HNRNPH3: variants seen among roughly 807,000 people sequenced by gnomAD.
The protein encoded by HNRNPH3 is heterogeneous nuclear ribonucleoprotein 2H9.
A neutral mutation model predicts 47.0 loss-of-function variants in HNRNPH3; 7 were observed. The observed-to-expected ratio is 0.15, with a 90% CI of 0.08 to 0.28. The LOEUF is 0.28. Among genes scored for constraint, HNRNPH3 ranks in the 10% least tolerant of loss-of-function variants. The probability of loss-of-function intolerance (pLI) is 1.00; values close to 1 mark genes in which losing one functional copy is unlikely to be tolerated. For synonymous variants in HNRNPH3, 120 were observed against 143.2 expected (o/e 0.84, Z 1.16); for missense variants, 279 against 449.6 (o/e 0.62, Z 3.43).
chr10:68,339,612 T>G, intron 6 of HNRNPH3, 57 bp downstream of exon 6: 1 of 1,036,004 alleles, frequency 9.7e-7, no homozygotes. Context: ...GTCTAAATCT[T>G]TAAGCATTCT....
intron 1 of HNRNPH3, among the ~76,000 whole-genome samples, chr10:68,336,608 A>T (rs968278061): frequency 1.3e-5 from 2 of 152,066 alleles, no homozygotes; most frequent in Non-Finnish European, 2.9e-5. Flanking sequence ...GCTCTTGGTG[A>T]GTTTAAACTA....
Position 68,338,745 on chromosome 10 carries a change from T to C in HNRNPH3, c.436+58T>C, listed in dbSNP as rs1031625229. 3 of 1,357,472 alleles carry C rather than the reference T, an allele frequency of 2.2e-6. No homozygotes were observed. In the East Asian group the frequency reaches 7.2e-5, roughly 33 times the overall value. 84.1% of individuals were successfully genotyped at this position (1,357,472 alleles called of 1,614,324 possible). ...TCATTTTCTTAATGTTCCTGACACT[T>C]TGTCAAGAAATACAGAAATGGCAGT... On this transcript the variant is annotated intron_variant, in intron 4 of 9. Coordinates refer to ENST00000265866, the MANE Select transcript of HNRNPH3 (RefSeq NM_012207.3).
At chr10:68,339,747 C>T (rs1439835488) in intron 6 of HNRNPH3, among the ~76,000 whole-genome samples, 192 bp downstream of exon 6, 4 of 151,382 alleles carry the variant, frequency 2.6e-5, no homozygotes, top group African/African-American at 9.7e-5. Flanking sequence ...GGTGTGATCT[C>T]GGCTCACTGC....
intron 1 of HNRNPH3, among the ~76,000 whole-genome samples, chr10:68,336,479 T>G (rs1384583939): frequency 1.3e-5 from 2 of 152,226 alleles, no homozygotes; most frequent in African/African-American, 2.4e-5. Context: ...TTGAGTAAAC[T>G]GGTTTCTAAA....
At position 68,341,424 on chromosome 10, in the gene HNRNPH3, C is replaced by T. The variant is rs188157094; in HGVS notation, c.775+115C>T. ...TTGTTGGGATTTAAAACCATTTGAC[C>T]TCTATAATGGCTTTCTGTGGGCTTT... On this transcript the variant is annotated intron_variant, in intron 7 of 9. Transcript: ENST00000265866. 1.5e-4 allele frequency: 174 copies of T among 1,165,512 alleles called. No homozygotes were observed. In the African/African-American group the frequency reaches 2.5e-3, roughly 17 times the overall value. 72.2% of individuals were successfully genotyped at this position (1,165,512 alleles called of 1,614,324 possible). A position where few individuals can be genotyped will look rare whatever the true frequency, so the allele number is the denominator to read the frequency against.
intron 5 of HNRNPH3, 79 bp downstream of exon 5, chr10:68,339,305 G>A: frequency 6.4e-7 from 1 of 1,572,450 alleles, no homozygotes; most frequent in Non-Finnish European, 8.7e-7. Context: ...GGTAATATAG[G>A]AAACTTGTAT....
At position 68,337,788 on chromosome 10, in the gene HNRNPH3, G is replaced by T; in HGVS notation, c.113-70G>T. On this transcript the variant is annotated intron_variant, in intron 2 of 9. Coordinates refer to ENST00000265866, the MANE Select transcript of HNRNPH3 (RefSeq NM_012207.3). The surrounding 1 kb of genome is among the most constrained non-coding windows in gnomAD (Gnocchi z 4.5). ...TTGTTTAGACTTGTTTTAAATATTT[G>T]ATTCAGATGGGAATGTTTCAGCCTT... The T allele has an allele frequency of 1.5e-6, 2 of 1,298,104 alleles. No individual in the cohort carries two copies. Among genetic ancestry groups the T allele is most frequent in the Non-Finnish European group, 2.1e-6 (2 of 936,096 alleles). 80.4% of individuals were successfully genotyped at this position (1,298,104 alleles called of 1,614,324 possible).
chr10:68,341,617 ACTC>A lies in HNRNPH3; in HGVS notation c.811_813del (p.Pro271del), dbSNP rs771888170. On this transcript the variant is annotated inframe_deletion, in exon 8 of 10. Transcript: ENST00000265866. ...ATATATTGAACTCTTCTTGAATTCT[ACTC>A]CTGGAGGCGGCTCTGGCATGGGAGG... is the stretch of plus-strand genomic sequence containing the variant. 3.1e-6 allele frequency: 5 copies of A among 1,612,598 alleles called. No individual in the cohort carries two copies. The East Asian group carries it at 1.1e-4, about 36-fold the overall frequency.
Position 68,341,661 on chromosome 10 carries a change from C to G in HNRNPH3, c.852C>G (p.Gly284=), listed in dbSNP as rs1378400797. The change falls in exon 8 of 10, where the codon GGC becomes GGG. Residue 284 remains glycine (G), a synonymous_variant. Transcript: ENST00000265866. ...GCATGGGAGGTTCTGGAATGGGAGG[C>G]TACGGAAGAGATGGAATGGGTATGT... The part of the protein sequence containing the change: ...GSGMGGSGMG[G]YGRDGMDNQG... 3 of 1,612,898 alleles carry G rather than the reference C, an allele frequency of 1.9e-6. No homozygotes were observed. The highest frequency in any genetic ancestry group is 2.5e-6 in the Non-Finnish European group (3 of 1,179,076).
Position 68,342,206 on chromosome 10 carries a change from G to A in HNRNPH3, c.*152G>A. The A allele has an allele frequency of 3.6e-6, 2 of 552,346 alleles. No individual in the cohort carries two copies. The highest frequency in any genetic ancestry group is 6.3e-6 in the Non-Finnish European group (2 of 319,126). The allele number at this position is 552,346 out of a possible 1,614,324, so 34.2% of individuals were successfully genotyped here. On this transcript the variant is annotated 3_prime_UTR_variant, in exon 10 of 10. Transcript: ENST00000265866. Reference sequence around the variant, plus strand: ...TTTGGTAAAGCAACAGATTGTGATGGGAAAATGTTTTCTGTAGGTTTATTT... The same window carrying A: ...TTTGGTAAAGCAACAGATTGTGATGAGAAAATGTTTTCTGTAGGTTTATTT...
rs71470514 is a variant in HNRNPH3, at chr10:68,337,745, T to TTTTG, written c.113-110_113-109insGTTT. 17 of 782,878 alleles carry TTTTG rather than the reference T, an allele frequency of 2.2e-5. No homozygotes were observed. The highest frequency in any genetic ancestry group is 3.0e-5 in the Non-Finnish European group (15 of 501,630). The allele number at this position is 782,878 out of a possible 1,614,324, so 48.5% of individuals were successfully genotyped here. On this transcript the variant is annotated intron_variant, in intron 2 of 9. Coordinates refer to ENST00000265866, the MANE Select transcript of HNRNPH3 (RefSeq NM_012207.3). This position sits in a 1 kb window ranked among gnomAD's most constrained non-coding sequence, Gnocchi z 4.5. Reference sequence around the variant, plus strand: ...TTATGGGGTGATGGGAAACTAAGCTTTTTTGTTTTGTTTTGTTTTGTTTAG... The same window carrying TTTTG: ...TTATGGGGTGATGGGAAACTAAGCTTTTTGTTTTGTTTTGTTTTGTTTTGTTTAG...
chr10:68,340,794 CTG>C (rs1160328903), intron 6 of HNRNPH3, among the ~76,000 whole-genome samples: 3 of 139,798 alleles, frequency 2.1e-5, no homozygotes, highest in Non-Finnish European at 4.6e-5. Context: ...GTATTTCTCT[CTG>C]TGTGTTTGTG....
rs754089258 is a variant in HNRNPH3 at position 68,339,121 on chromosome 10, T to C, written c.437-19T>C. 1 of 1,565,072 alleles carries C rather than the reference T, an allele frequency of 6.4e-7. No homozygotes were observed. Reference sequence around the variant, plus strand: ...CTCTGGAAAGTGTGTAGTCATGTGTTTCTCCTTAAATTACACAGGTTATGG... The same window carrying C: ...CTCTGGAAAGTGTGTAGTCATGTGTCTCTCCTTAAATTACACAGGTTATGG... On this transcript the variant is annotated intron_variant, in intron 4 of 9. Coordinates refer to ENST00000265866, the MANE Select transcript of HNRNPH3 (RefSeq NM_012207.3).
chr10:68,337,339 T>G lies in HNRNPH3; in HGVS notation c.112+6T>G. The G allele has an allele frequency of 1.4e-6, 2 of 1,474,170 alleles. No individual in the cohort carries two copies. Among genetic ancestry groups the G allele is most frequent in the Non-Finnish European group, 1.9e-6 (2 of 1,053,028 alleles). 91.3% of individuals were successfully genotyped at this position (1,474,170 alleles called of 1,614,324 possible). On this transcript the variant is annotated splice_donor_region_variant and intron_variant, in intron 2 of 9. Transcript: ENST00000265866. The surrounding 1 kb of genome is among the most constrained non-coding windows in gnomAD (Gnocchi z 4.5). ...AATAGTTCAGTTCTTTCAAGGTACC[T>G]CTAGTATTAGTCAAAGTTTAGTAGT...
At position 68,337,934 on chromosome 10, in the gene HNRNPH3, G is replaced by A; in HGVS notation, c.189G>A (p.Gln63=). The A allele has an allele frequency of 6.2e-7, 1 of 1,613,614 alleles. No homozygotes were observed. The highest frequency in any genetic ancestry group is 8.5e-7 in the Non-Finnish European group (1 of 1,179,542). The stretch of plus-strand genomic sequence containing the variant: ...GAAGCACAGGGGAGGCCTTCGTGCA[G>A]TTTGCTTCAAAGGAGATAGCAGAAA... ...QGRSTGEAFV[Q]FASKEIAENA... The change falls in exon 3 of 10, where the codon CAG becomes CAA. Residue 63 remains glutamine, a synonymous_variant. Coordinates refer to ENST00000265866, the MANE Select transcript of HNRNPH3 (RefSeq NM_012207.3). The surrounding 1 kb of genome is among the most constrained non-coding windows in gnomAD (Gnocchi z 4.5).
chr10:68,337,366 T>G lies in HNRNPH3; in HGVS notation c.112+33T>G, dbSNP rs748445818. On this transcript the variant is annotated intron_variant, in intron 2 of 9. Coordinates refer to ENST00000265866, the MANE Select transcript of HNRNPH3 (RefSeq NM_012207.3). This position sits in a 1 kb window ranked among gnomAD's most constrained non-coding sequence, Gnocchi z 4.5. ...TAGTATTAGTCAAAGTTTAGTAGTATTGTAATTTTATATTTGTATTGTTTT... is the reference window on the plus strand; with the variant it reads ...TAGTATTAGTCAAAGTTTAGTAGTAGTGTAATTTTATATTTGTATTGTTTT... The G allele has an allele frequency of 2.0e-5, 24 of 1,219,180 alleles. No homozygotes were observed. The highest frequency in any genetic ancestry group is 1.4e-4 in the South Asian group (11 of 79,804). The allele number at this position is 1,219,180 out of a possible 1,614,324, so 75.5% of individuals were successfully genotyped here.
At chr10:68,339,890 C>T (rs774263764) in intron 6 of HNRNPH3, among the ~76,000 whole-genome samples, 10 of 152,016 alleles carry the variant, frequency 6.6e-5, no homozygotes, top group Non-Finnish European at 1.2e-4. Context: ...ATTTTTGTAT[C>T]CATTGTGTGT....
At chr10:68,341,891 T>A in intron 9 of HNRNPH3, 40 bp downstream of exon 9, 2 of 1,587,900 alleles carry the variant, frequency 1.3e-6, no homozygotes, top group Non-Finnish European at 1.7e-6. Flanking sequence ...TCCGCATATG[T>A]AGTGCAAACT....
At chr10:68,341,344 T>C (rs369256349) in intron 7 of HNRNPH3, 35 bp downstream of exon 7, 2 of 1,576,678 alleles carry the variant, frequency 1.3e-6, no homozygotes, top group African/African-American at 2.8e-5. Context: ...TCTTATTTCC[T>C]AAACGTGAAT....
Sources: allele counts gnomAD v4.1 joint callset (sites outside exome capture counted in the v4.1 genomes callset), GRCh38; gene constraint gnomAD v4.1.1; non-coding constraint Gnocchi (gnomAD v3.1); transcripts MANE v1.5; gene names NCBI Gene and HGNC (gene_info 2026-07-23, HGNC 2026-07-21).